OPCML: variants seen among roughly 807,000 people sequenced by gnomAD.
OPCML encodes the protein opioid-binding protein/cell adhesion molecule.
Under a neutral mutation model 37.8 loss-of-function variants are expected in OPCML, and 13 were observed. That is an observed-to-expected ratio of 0.34 (90% CI 0.22 to 0.55). The LOEUF (loss-of-function observed/expected upper bound fraction) is 0.55, where lower values mean the gene tolerates loss of function less well. Ranked by LOEUF, OPCML falls within the 20% of genes least tolerant of loss-of-function variation. The pLI, the probability that OPCML is intolerant of heterozygous loss-of-function variation, is 0.91. For synonymous variants in OPCML, 176 were observed against 168.8 expected (o/e 1.04, Z -0.33); for missense variants, 341 against 435.6 (o/e 0.78, Z 1.93).
rs2095945239 is a variant in OPCML at position 132,418,236 on chromosome 11, C to T, written c.*1957G>A. 6.6e-6 allele frequency: 1 copy of T among 152,150 alleles called. No individual in the cohort carries two copies. The highest frequency in any genetic ancestry group is 2.4e-5 in the African/African-American group (1 of 41,418). The allele number at this position is 152,150 out of a possible 1,614,324, so 9.4% of individuals were successfully genotyped here. A position where few individuals can be genotyped will look rare whatever the true frequency, so the allele number is the denominator to read the frequency against. On this transcript the variant is annotated 3_prime_UTR_variant, in exon 8 of 8. Transcript: ENST00000524381. The stretch of plus-strand genomic sequence containing the variant: ...AGACTGAGGGCCTGAAAAGGTTTTC[C>T]AACTGAGGCAGGGCAGGTCTGCGAT...
chr11:132,782,899 A>AAT (rs1391673410), intron 2 of OPCML, among the ~76,000 whole-genome samples: 7 of 130,496 alleles, frequency 5.4e-5, no homozygotes, highest in East Asian at 4.1e-4. Flanking sequence ...TAAAATATGT[A>AAT]ATATATATAT....
At chr11:132,823,869 A>G (rs1326968358) in intron 2 of OPCML, among the ~76,000 whole-genome samples, 1 of 152,152 alleles carries the variant, frequency 6.6e-6, no homozygotes, top group African/African-American at 2.4e-5. Flanking sequence ...ACGGATGGCC[A>G]TGCCATCTTC....
chr11:133,015,999 C>T (rs910486941), intron 1 of OPCML, among the ~76,000 whole-genome samples: 1 of 152,158 alleles, frequency 6.6e-6, no homozygotes, highest in Non-Finnish European at 1.5e-5. Context: ...TGTGCCCATC[C>T]CTTTAACAAA....
At chr11:133,005,458 A>G (rs2136859936) in intron 1 of OPCML, 1 of 985,330 alleles carries the variant, frequency 1.0e-6, no homozygotes, top group Non-Finnish European at 1.2e-6. Flanking sequence ...CACAGCTCTT[A>G]GGTACTAGTT....
intron 1 of OPCML, among the ~76,000 whole-genome samples, chr11:133,093,891 T>G (rs550241617): frequency 3.0e-4 from 45 of 152,226 alleles, no homozygotes; most frequent in Non-Finnish European, 5.3e-4. Context: ...AAAAACAGAA[T>G]AGATAAATCT....
intron 3 of OPCML, among the ~76,000 whole-genome samples, chr11:132,632,025 A>C (rs986692224): frequency 1.3e-5 from 2 of 152,056 alleles, no homozygotes; most frequent in African/African-American, 4.8e-5. Flanking sequence ...ACGTAGCTGG[A>C]AATGAAAATG....
intron 4 of OPCML, among the ~76,000 whole-genome samples, chr11:132,449,782 C>T (rs892798416): frequency 1.3e-5 from 2 of 152,176 alleles, no homozygotes; most frequent in Non-Finnish European, 2.9e-5. Context: ...CTTCATCCAG[C>T]CTCGGTTTCT....
chr11:132,688,529 C>G (rs1175192036), intron 2 of OPCML, among the ~76,000 whole-genome samples: 2 of 152,130 alleles, frequency 1.3e-5, no homozygotes, highest in Non-Finnish European at 2.9e-5. Context: ...TAGAAATTGT[C>G]TTTTTTAACC....
intron 4 of OPCML, among the ~76,000 whole-genome samples, chr11:132,516,183 G>A (rs1565629401): frequency 6.6e-6 from 1 of 152,138 alleles, no homozygotes; most frequent in South Asian, 2.1e-4. Flanking sequence ...TAATTAAAAC[G>A]TCAGCAGTAA....
chr11:132,791,725 C>T (rs928960809), intron 2 of OPCML, among the ~76,000 whole-genome samples: 10 of 152,190 alleles, frequency 6.6e-5, no homozygotes, highest in African/African-American at 2.4e-4. Flanking sequence ...CCCCCAAAAC[C>T]TGTGCAGGAG....
At chr11:133,301,236 A>G (rs533789817) in intron 1 of OPCML, 112 of 152,288 alleles carry the variant, frequency 7.4e-4, no homozygotes, top group African/African-American at 2.6e-3. Flanking sequence ...TACATCATCC[A>G]TGGTACAATT....
intron 1 of OPCML, among the ~76,000 whole-genome samples, chr11:133,330,981 A>G (rs1379405979): frequency 1.3e-5 from 2 of 152,206 alleles, no homozygotes; most frequent in African/African-American, 2.4e-5. Flanking sequence ...TAGTGGGCAA[A>G]GTCATGATTT....
Position 133,206,810 on chromosome 11 carries a change from C to T in OPCML, c.62-263800G>A, listed in dbSNP as rs1241626430. 6.6e-6 allele frequency among the ~76,000 whole-genome samples: 1 copy of T among 152,132 alleles called. No individual in the cohort carries two copies. The highest frequency in any genetic ancestry group is 1.5e-5 in the Non-Finnish European group (1 of 68,028). ...GCAGGTTTGTGAATGGATGCAGCAC[C>T]CACGCTTACCCTCCACACTCTCACG... is the stretch of plus-strand genomic sequence containing the variant. On this transcript the variant is annotated intron_variant, in intron 1 of 7. Coordinates refer to ENST00000524381, the MANE Select transcript of OPCML (RefSeq NM_001012393.5). The surrounding 1 kb of genome is among the most constrained non-coding windows in gnomAD (Gnocchi z 4.7).
intron 1 of OPCML, among the ~76,000 whole-genome samples, chr11:132,997,025 G>A (rs1261554070): frequency 6.6e-6 from 1 of 152,138 alleles, no homozygotes; most frequent in East Asian, 1.9e-4. Context: ...GTATCTCTGG[G>A]TCCCCAGGTA....
intron 1 of OPCML, among the ~76,000 whole-genome samples, chr11:133,110,151 C>A (rs1949228227): frequency 6.6e-6 from 1 of 152,138 alleles, no homozygotes; most frequent in African/African-American, 2.4e-5. Context: ...GGTTGAACAA[C>A]CCTGTTCTGG....
At chr11:132,785,441 A>T (rs1304325111) in intron 2 of OPCML, among the ~76,000 whole-genome samples, 1 of 152,232 alleles carries the variant, frequency 6.6e-6, no homozygotes, top group Non-Finnish European at 1.5e-5. Flanking sequence ...GACTTGAAAT[A>T]AGAGGAGGAG....
chr11:132,473,302 C>T (rs1398973111), intron 4 of OPCML, among the ~76,000 whole-genome samples: 2 of 152,186 alleles, frequency 1.3e-5, no homozygotes, highest in East Asian at 1.9e-4. Context: ...AAAGAGCCCT[C>T]GAGCTACTGT....
intron 1 of OPCML, among the ~76,000 whole-genome samples, chr11:133,111,511 T>C (rs1013020665): frequency 2.6e-5 from 4 of 152,190 alleles, no homozygotes; most frequent in African/African-American, 4.8e-5. Flanking sequence ...ATACCAGCTC[T>C]CTCATTAGTT....
At chr11:132,484,177 G>C (rs1417890189) in intron 4 of OPCML, among the ~76,000 whole-genome samples, 1 of 152,082 alleles carries the variant, frequency 6.6e-6, no homozygotes, top group Non-Finnish European at 1.5e-5. Flanking sequence ...ATCTGACAAA[G>C]GGCTAATATC....
Sources: allele counts gnomAD v4.1 joint callset (sites outside exome capture counted in the v4.1 genomes callset), GRCh38; gene constraint gnomAD v4.1.1; non-coding constraint Gnocchi (gnomAD v3.1); transcripts MANE v1.5; gene names NCBI Gene and HGNC (gene_info 2026-07-23, HGNC 2026-07-21).